Variants in NRXN3 observed in about 807,000 individuals in gnomAD.
NRXN3 encodes the protein neurexin 3.
A neutral mutation model predicts 137.6 loss-of-function variants in NRXN3; 32 were observed. The ratio of observed to expected loss-of-function variants is 0.23; its 90% CI spans 0.18 to 0.31. The LOEUF is 0.31. NRXN3 is among the 10% of genes least tolerant of loss of function. NRXN3 has a pLI of 1.00. For synonymous variants in NRXN3, 798 were observed against 784.5 expected (o/e 1.02, Z -0.29); for missense variants, 1,574 against 2,062.5 (o/e 0.76, Z 4.59).
intron 15 of NRXN3, among the ~76,000 whole-genome samples, chr14:79,207,305 C>G (rs1290896162): frequency 6.6e-6 from 1 of 152,022 alleles, no homozygotes; most frequent in Non-Finnish European, 1.5e-5. Context: ...ATCTGAGAAC[C>G]CCCACCCCGC....
chr14:78,300,690 A>G (rs2076789142), intron 4 of NRXN3: 1 of 1,528,436 alleles, frequency 6.5e-7, no homozygotes, highest in African/African-American at 1.4e-5. Flanking sequence ...GTAGAAGTAA[A>G]GGTAGAGCTC....
At chr14:79,818,155 G>A (rs1053802890) in intron 20 of NRXN3, among the ~76,000 whole-genome samples, 5 of 140,966 alleles carry the variant, frequency 3.5e-5, no homozygotes, top group Non-Finnish European at 7.6e-5. Flanking sequence ...CCGGGTTCAC[G>A]CCATTCTCCT....
At chr14:79,549,435 T>C (rs986355151) in intron 16 of NRXN3, among the ~76,000 whole-genome samples, 8 of 152,172 alleles carry the variant, frequency 5.3e-5, no homozygotes, top group African/African-American at 1.9e-4. Context: ...TGAGATACCA[T>C]ACATGTAAGG....
At chr14:79,046,139 A>T (rs2099632773) in intron 15 of NRXN3, among the ~76,000 whole-genome samples, 1 of 152,238 alleles carries the variant, frequency 6.6e-6, no homozygotes, top group Admixed American at 6.5e-5. Context: ...ATGGAGTAAC[A>T]TGACACCAGT....
intron 15 of NRXN3, among the ~76,000 whole-genome samples, chr14:79,157,483 A>T (rs971878252): frequency 1.3e-5 from 2 of 151,788 alleles, no homozygotes; most frequent in African/African-American, 4.8e-5. Context: ...AAATCAGCAT[A>T]AGCTGGTTTT....
intron 4 of NRXN3, among the ~76,000 whole-genome samples, chr14:78,518,020 G>A (rs971754861): frequency 1.2e-4 from 19 of 152,128 alleles, no homozygotes; most frequent in African/African-American, 4.6e-4. Context: ...ATCTGAGCTG[G>A]AGTTGCAAAT....
chr14:78,430,460 G>A (rs1695892756), intron 4 of NRXN3, among the ~76,000 whole-genome samples: 1 of 152,174 alleles, frequency 6.6e-6, no homozygotes, highest in South Asian at 2.1e-4. Context: ...GACTCAAAGA[G>A]GCTAAGTGAC....
At chr14:79,824,237 A>G (rs568355454) in intron 20 of NRXN3, among the ~76,000 whole-genome samples, 1 of 152,340 alleles carries the variant, frequency 6.6e-6, no homozygotes, top group East Asian at 1.9e-4. Flanking sequence ...TAGGATGTCC[A>G]GAAAATTAAA....
chr14:79,035,818 A>G (rs1595191413), intron 15 of NRXN3, among the ~76,000 whole-genome samples: 1 of 152,214 alleles, frequency 6.6e-6, no homozygotes, highest in Non-Finnish European at 1.5e-5. Flanking sequence ...TGGATGTAAA[A>G]TGCATCCTTC....
At chr14:79,185,114 C>T (rs977910566) in intron 15 of NRXN3, among the ~76,000 whole-genome samples, 17 of 152,132 alleles carry the variant, frequency 1.1e-4, no homozygotes, top group Non-Finnish European at 1.9e-4. Context: ...TTCTAATAAG[C>T]TATTTTTTAT....
intron 16 of NRXN3, among the ~76,000 whole-genome samples, chr14:79,614,953 T>G (rs965032985): frequency 6.6e-6 from 1 of 151,930 alleles, no homozygotes; most frequent in African/African-American, 2.4e-5. Flanking sequence ...TCCATGAGAG[T>G]GAAGTGGAGG....
At chr14:78,264,131 G>A (rs1227861552) in intron 2 of NRXN3, among the ~76,000 whole-genome samples, 4 of 152,134 alleles carry the variant, frequency 2.6e-5, no homozygotes, top group East Asian at 1.9e-4. Context: ...AAACTTACCC[G>A]AGGTCATACA....
chr14:79,420,043 A>G (rs552208852), intron 15 of NRXN3, among the ~76,000 whole-genome samples: 7 of 152,160 alleles, frequency 4.6e-5, no homozygotes, highest in African/African-American at 1.7e-4. Context: ...CAGGACCAGT[A>G]GATAGAAGTT....
chr14:78,999,743 G>A (rs2099537567), intron 15 of NRXN3, among the ~76,000 whole-genome samples: 1 of 152,134 alleles, frequency 6.6e-6, no homozygotes, highest in Non-Finnish European at 1.5e-5. Flanking sequence ...TGGTTTTACA[G>A]CGGATCATGG....
chr14:78,935,019 A>G (rs2099331489), intron 10 of NRXN3, among the ~76,000 whole-genome samples: 1 of 152,038 alleles, frequency 6.6e-6, no homozygotes, highest in South Asian at 2.1e-4. Context: ...GTGTTCACTC[A>G]CCTCCTGTGC....
At chr14:78,941,361 T>C (rs2099352550) in intron 10 of NRXN3, among the ~76,000 whole-genome samples, 1 of 152,190 alleles carries the variant, frequency 6.6e-6, no homozygotes, top group Admixed American at 6.5e-5. Context: ...AGTGGCATGA[T>C]CTAGGGCTGG....
chr14:79,575,787 G>A (rs768756052), intron 16 of NRXN3, among the ~76,000 whole-genome samples: 2 of 152,082 alleles, frequency 1.3e-5, no homozygotes, highest in African/African-American at 4.8e-5. Context: ...TGCAGAAATC[G>A]GGGAGGGTGC....
intron 10 of NRXN3, among the ~76,000 whole-genome samples, chr14:78,873,887 C>G (rs2099107258): frequency 6.6e-6 from 1 of 152,020 alleles, no homozygotes; most frequent in African/African-American, 2.4e-5. Context: ...AAAAAGTGAA[C>G]CTTCTTTTAT....
At chr14:78,956,718 G>A (rs1211005754) in intron 10 of NRXN3, among the ~76,000 whole-genome samples, 1 of 152,104 alleles carries the variant, frequency 6.6e-6, no homozygotes, top group Non-Finnish European at 1.5e-5. Flanking sequence ...TTCTATGGTC[G>A]TGAATCCTAG....
Sources: allele counts gnomAD v4.1 joint callset (sites outside exome capture counted in the v4.1 genomes callset), GRCh38; gene constraint gnomAD v4.1.1; transcripts MANE v1.5; gene names NCBI Gene and HGNC (gene_info 2026-07-23, HGNC 2026-07-21).